C12orf42: variants seen among roughly 807,000 people sequenced by gnomAD.
C12orf42 encodes uncharacterized protein C12orf42.
Under a neutral mutation model 21.6 loss-of-function variants are expected in C12orf42, and 25 were observed. That is an observed-to-expected ratio of 1.16 (90% confidence interval 0.84 to 1.62). The LOEUF (loss-of-function observed/expected upper bound fraction) is 1.62, where lower values mean the gene tolerates loss of function less well. Ranked by LOEUF, C12orf42 falls within the 40% of genes most tolerant of loss-of-function variation. The probability of loss-of-function intolerance (pLI) is 0.00; values close to 1 mark genes in which losing one functional copy is unlikely to be tolerated. For missense variants in C12orf42, 483 were observed against 459.3 expected, an observed-to-expected ratio of 1.05 and a Z score of -0.47; for synonymous variants, 174 against 175.0, an observed-to-expected ratio of 0.99 and a Z score of 0.05.
chr12:103,181,631 C>T, the C12orf42 span, among the ~76,000 whole-genome samples: 55 of 152,304 alleles, frequency 3.6e-4, no homozygotes, highest in Middle Eastern at 3.4e-3. Flanking sequence ...GGAGCTCCAA[C>T]GAGGTTAGTT....
At chr12:103,109,236 T>A in the C12orf42 span, among the ~76,000 whole-genome samples, 1 of 152,154 alleles carries the variant, frequency 6.6e-6, no homozygotes, top group South Asian at 2.1e-4. Context: ...ATTGGCATAC[T>A]AGTAGACAAA....
chr12:103,243,357 G>T (rs1268350053), intron 10 of C12orf42, among the ~76,000 whole-genome samples: 1 of 151,930 alleles, frequency 6.6e-6, no homozygotes, highest in African/African-American at 2.4e-5. Context: ...GTATATGAAA[G>T]TAAGTAAAAA....
At chr12:103,411,043 T>C (rs532268968) in intron 2 of C12orf42, among the ~76,000 whole-genome samples, 2 of 152,280 alleles carry the variant, frequency 1.3e-5, no homozygotes, top group African/African-American at 2.4e-5. Context: ...CCAATAACTT[T>C]TACTATTATT....
the C12orf42 span, chr12:103,504,099 C>G: frequency 6.6e-6 from 1 of 152,400 alleles, no homozygotes; most frequent in South Asian, 2.1e-4. Context: ...CCCTGCTGGC[C>G]AAGGGGGCGC....
chr12:103,388,253 G>C (rs1010789381), intron 3 of C12orf42, among the ~76,000 whole-genome samples: 3 of 152,062 alleles, frequency 2.0e-5, no homozygotes, highest in Non-Finnish European at 4.4e-5. Context: ...TTTCTGCTTT[G>C]ATCTCTCTCC....
chr12:103,530,497 G>A, the C12orf42 span, among the ~76,000 whole-genome samples: 1 of 152,174 alleles, frequency 6.6e-6, no homozygotes, highest in East Asian at 1.9e-4. Flanking sequence ...AGCCCCATGT[G>A]TTGCCCCAGC....
chr12:103,223,324 G>A, the C12orf42 span, among the ~76,000 whole-genome samples: 1 of 152,126 alleles, frequency 6.6e-6, no homozygotes, highest in African/African-American at 2.4e-5. Flanking sequence ...GGGTGATATT[G>A]TGGGGATGTT....
chr12:103,234,040 T>C (rs571188603), downstream of C12orf42, among the ~76,000 whole-genome samples: 1 of 152,194 alleles, frequency 6.6e-6, no homozygotes, highest in Non-Finnish European at 1.5e-5. Flanking sequence ...TTTTGTCAAA[T>C]GCTTTTTCTA....
chr12:103,186,958 T>C, the C12orf42 span, among the ~76,000 whole-genome samples: 1 of 152,240 alleles, frequency 6.6e-6, no homozygotes, highest in Admixed American at 6.5e-5. Context: ...TGTTCATTTG[T>C]ATTTCAGATT....
At chr12:103,259,286 GT>G (rs1393639556) in intron 10 of C12orf42, among the ~76,000 whole-genome samples, 1 of 152,094 alleles carries the variant, frequency 6.6e-6, no homozygotes, top group Non-Finnish European at 1.5e-5. Flanking sequence ...TCTTACCTTT[GT>G]TTTTTCTTGA....
At chr12:103,103,157 C>A in the C12orf42 span, among the ~76,000 whole-genome samples, 1 of 152,156 alleles carries the variant, frequency 6.6e-6, no homozygotes, top group Non-Finnish European at 1.5e-5. Context: ...TCAAGGGAGC[C>A]ATCATATCCA....
chr12:103,434,657 C>A (rs538841778), intron 2 of C12orf42, among the ~76,000 whole-genome samples: 1 of 152,128 alleles, frequency 6.6e-6, no homozygotes, highest in Non-Finnish European at 1.5e-5. Flanking sequence ...CCTGGAAAAT[C>A]GGGTCACTCC....
At chr12:103,116,338 TG>T in the C12orf42 span, among the ~76,000 whole-genome samples, 21 of 148,328 alleles carry the variant, frequency 1.4e-4, 1 homozygote, top group African/African-American at 4.8e-4. Flanking sequence ...CACTCCAGCC[TG>T]GGCAACAAGA....
At chr12:103,308,814 G>A (rs1338014797) in intron 4 of C12orf42, among the ~76,000 whole-genome samples, 4 of 152,164 alleles carry the variant, frequency 2.6e-5, no homozygotes, top group African/African-American at 9.7e-5. Context: ...AAGCTAAAAT[G>A]GTGGTCCTTA....
chr12:103,279,517 G>A (rs891175758), intron 4 of C12orf42, among the ~76,000 whole-genome samples: 1 of 152,202 alleles, frequency 6.6e-6, no homozygotes, highest in African/African-American at 2.4e-5. Flanking sequence ...ACAGCTGGCA[G>A]AAAGAGAAAT....
At chr12:103,187,863 G>C in the C12orf42 span, among the ~76,000 whole-genome samples, 2 of 152,208 alleles carry the variant, frequency 1.3e-5, no homozygotes, top group South Asian at 2.1e-4. Context: ...TCATTTATTT[G>C]TGTGTGCCTT....
chr12:103,053,082 C>A, the C12orf42 span, among the ~76,000 whole-genome samples: 4 of 152,028 alleles, frequency 2.6e-5, no homozygotes, highest in East Asian at 5.8e-4. Context: ...TAGGTTCCCT[C>A]ACTGTGATGT....
chr12:103,551,743 G>A, the C12orf42 span, among the ~76,000 whole-genome samples: 1 of 152,284 alleles, frequency 6.6e-6, no homozygotes, highest in South Asian at 2.1e-4. Flanking sequence ...CTTGAACCCA[G>A]GAGGTGAAGG....
chr12:103,503,422 G>C, the C12orf42 span: 1 of 152,260 alleles, frequency 6.6e-6, no homozygotes, highest in African/African-American at 2.4e-5. Context: ...TGAGCCCACA[G>C]ACCCAGCCTG....
Sources: allele counts gnomAD v4.1 joint callset (sites outside exome capture counted in the v4.1 genomes callset), GRCh38; gene constraint gnomAD v4.1.1; transcripts MANE v1.5; gene names NCBI Gene and HGNC (gene_info 2026-07-23, HGNC 2026-07-21).